Variants in TTC7B observed in about 807,000 individuals in gnomAD.
TTC7B encodes tetratricopeptide repeat protein 7B.
Under a neutral mutation model 106.8 loss-of-function variants are expected in TTC7B, and 28 were observed. The observed-to-expected ratio is 0.26, with a 90% CI of 0.19 to 0.36. TTC7B has a LOEUF of 0.36. Among genes scored for constraint, TTC7B ranks in the 10% least tolerant of loss-of-function variants. The pLI is 1.00. For synonymous variants in TTC7B, 405 were observed against 430.6 expected, an observed-to-expected ratio of 0.94 and a Z score of 0.74; for missense variants, 862 against 1,076.4, an observed-to-expected ratio of 0.80 and a Z score of 2.79.
chr14:90,816,197 C>A lies in TTC7B; in HGVS notation c.99G>T (p.Leu33=). ...WERIPELVKQ[L]SAKLIANDDM... is the part of the protein sequence containing the mutation. ...TACCGTTGGCGATGAGCTTGGCCGA[C>A]AGCTGCTTGACGAGCTCAGGGATCC... The change falls in exon 1 of 20, where the codon CTG becomes CTT. Residue 33 remains leucine, a synonymous_variant. Coordinates refer to ENST00000328459, the MANE Select transcript of TTC7B (RefSeq NM_001010854.2). 7.9e-7 allele frequency: 1 copy of A among 1,268,088 alleles called. No homozygotes were observed. The highest frequency in any genetic ancestry group is 1.0e-6 in the Non-Finnish European group (1 of 974,374). The allele number at this position is 1,268,088 out of a possible 1,614,324, so 78.6% of individuals were successfully genotyped here.
chr14:90,545,748 G>C (rs571061761), intron 19 of TTC7B, among the ~76,000 whole-genome samples: 284 of 152,320 alleles, frequency 1.9e-3, no homozygotes, highest in African/African-American at 6.6e-3. Context: ...TGCAGGGTAT[G>C]GGACAGGGGC....
chr14:90,637,653 T>C (rs1885002135), intron 15 of TTC7B, among the ~76,000 whole-genome samples: 1 of 152,170 alleles, frequency 6.6e-6, no homozygotes, highest in African/African-American at 2.4e-5. Flanking sequence ...AAAAAGCTAA[T>C]TTATCACAAT....
At chr14:90,627,860 T>A (rs542966582) in intron 15 of TTC7B, among the ~76,000 whole-genome samples, 7 of 152,268 alleles carry the variant, frequency 4.6e-5, no homozygotes, top group African/African-American at 1.4e-4. Flanking sequence ...TAATCTCCAC[T>A]CAGATTGGCA....
Position 90,641,934 on chromosome 14 carries a change from CGTGTGT to C in TTC7B, c.1751+2108_1751+2113del, listed in dbSNP as rs145476335. Among the ~76,000 whole-genome samples the C allele has an allele frequency of 8.8e-5, 13 of 147,092 alleles. No homozygotes were observed. The South Asian group carries it at 1.1e-3, about 12-fold the overall frequency. On this transcript the variant is annotated intron_variant, in intron 15 of 19. Transcript: ENST00000328459. The stretch of plus-strand genomic sequence containing the variant: ...TAATGAAAGAGCTTGTGTGTGTGTG[CGTGTGT>C]GTGTGTGTGTGTGTGTGTGTGTTGG...
At chr14:90,674,729 A>C (rs1329885884) in intron 9 of TTC7B, among the ~76,000 whole-genome samples, 1 of 152,248 alleles carries the variant, frequency 6.6e-6, no homozygotes, top group African/African-American at 2.4e-5. Context: ...TTAGAAGATA[A>C]AACACAGATA....
chr14:90,605,598 G>C (rs1326748312), intron 17 of TTC7B: 2 of 1,282,128 alleles, frequency 1.6e-6, no homozygotes, highest in Admixed American at 4.8e-5. Flanking sequence ...CATGTTTACA[G>C]AGAGAGGGTT....
At chr14:90,626,851 G>A (rs373204585) in intron 15 of TTC7B, among the ~76,000 whole-genome samples, 3 of 152,186 alleles carry the variant, frequency 2.0e-5, no homozygotes, top group African/African-American at 7.2e-5. Flanking sequence ...GAGCATGGAT[G>A]ACTCCTCTCC....
chr14:90,609,030 T>C (rs2139839876), intron 17 of TTC7B, among the ~76,000 whole-genome samples: 1 of 152,326 alleles, frequency 6.6e-6, no homozygotes, highest in East Asian at 1.9e-4. Context: ...CTCTTCCCCA[T>C]GTCCGAGCCT....
At chr14:90,644,240 CAT>C (rs1241737297) in intron 14 of TTC7B, 32 bp from the exon 15 acceptor site, 3 of 284,442 alleles carry the variant, frequency 1.1e-5, no homozygotes, top group South Asian at 1.3e-4. Context: ...AAAGGTTTTA[CAT>C]ACACACATGC....
At chr14:90,698,363 A>T (rs536823607) in intron 5 of TTC7B, 188 of 152,350 alleles carry the variant, frequency 1.2e-3, no homozygotes, top group African/African-American at 4.4e-3. Context: ...TCAAACTGTT[A>T]GTTAATTCTT....
rs968560780 is a variant in TTC7B, at chr14:90,569,074, G to A, written c.2310+9032C>T. Among the ~76,000 whole-genome samples the A allele has an allele frequency of 6.6e-5, 10 of 152,188 alleles. No homozygotes were observed. The South Asian group carries it at 1.2e-3, about 19-fold the overall frequency. Reference sequence around the variant, plus strand: ...CCATCTTTAATTGGTTATTGCCATCGCTATCACCTGCAGCCTCAAAGACAA... The same window carrying A: ...CCATCTTTAATTGGTTATTGCCATCACTATCACCTGCAGCCTCAAAGACAA... On this transcript the variant is annotated intron_variant, in intron 19 of 19. Transcript: ENST00000328459.
At chr14:90,800,790 G>GCA (rs1317635109) in intron 1 of TTC7B, among the ~76,000 whole-genome samples, 287 of 151,972 alleles carry the variant, frequency 1.9e-3, no homozygotes, top group Non-Finnish European at 3.2e-3. Flanking sequence ...CAGCCTGGAT[G>GCA]ACAGAGCAAG....
At chr14:90,675,084 A>G (rs12894664) in intron 9 of TTC7B, 76,504 of 143,272 alleles carry the variant, frequency 0.53, 20,315 homozygotes, top group East Asian at 0.65. Context: ...GAACGTTCAC[A>G]GAACAATGGG....
At chr14:90,798,730 A>AAAAAG (rs1449920679) in intron 1 of TTC7B, among the ~76,000 whole-genome samples, 25 of 150,594 alleles carry the variant, frequency 1.7e-4, no homozygotes, top group Non-Finnish European at 2.7e-4. Flanking sequence ...AAAAAAAAAA[A>AAAAAG]AACACGCAAT....
intron 19 of TTC7B, among the ~76,000 whole-genome samples, chr14:90,549,407 G>A (rs993979509): frequency 4.6e-5 from 7 of 152,252 alleles, no homozygotes; most frequent in Non-Finnish European, 1.0e-4. Context: ...AGGGACTGTG[G>A]TGGCAGCTTC....
At chr14:90,701,321 C>T (rs1887975766) in intron 5 of TTC7B, among the ~76,000 whole-genome samples, 1 of 152,132 alleles carries the variant, frequency 6.6e-6, no homozygotes, top group Non-Finnish European at 1.5e-5. Context: ...TTTGGTCAGC[C>T]GGCCAGGCAG....
Position 90,541,553 on chromosome 14 carries a change from C to T in TTC7B, c.2347G>A (p.Ala783Thr), listed in dbSNP as rs748855057. Residue 783 changes from alanine (A) to threonine (T), a missense_variant, in exon 20 of 20, where the codon GCG (alanine) becomes ACG (threonine). Coordinates refer to ENST00000328459, the MANE Select transcript of TTC7B (RefSeq NM_001010854.2). Reference protein sequence around the residue: ...ILHQLGRYSLAEKILRDAVQV... With the variant: ...ILHQLGRYSLTEKILRDAVQV... ...ACCGCGTCCCGGAGGATCTTCTCCG[C>T]CAGACTGTAGCGGCCTAGCTGGTGA... 1.2e-6 allele frequency: 2 copies of T among 1,609,294 alleles called. No homozygotes were observed. Among genetic ancestry groups the T allele is most frequent in the Non-Finnish European group, 1.7e-6 (2 of 1,176,440 alleles).
intron 3 of TTC7B, among the ~76,000 whole-genome samples, chr14:90,745,297 CAAAAAA>C (rs71461925): frequency 1.8e-5 from 2 of 108,756 alleles, no homozygotes; most frequent in Admixed American, 9.7e-5. Flanking sequence ...CCCTGTCTCC[CAAAAAA>C]AAAAAAAAAA....
chr14:90,746,605 C>T (rs932046081), intron 3 of TTC7B, among the ~76,000 whole-genome samples: 1 of 152,010 alleles, frequency 6.6e-6, no homozygotes, highest in African/African-American at 2.4e-5. Context: ...TTATTATGTC[C>T]TTTCTTCTGA....
Sources: gnomAD v4.1 joint callset for allele counts (sites outside exome capture counted in the v4.1 genomes callset) on GRCh38, gnomAD v4.1.1 for gene constraint, MANE v1.5 for transcripts, NCBI Gene and HGNC (gene_info 2026-07-23, HGNC 2026-07-21) for gene names.